KLRG1: variants seen among roughly 807,000 people sequenced by gnomAD.
The protein encoded by KLRG1 is killer cell lectin like receptor G1.
In KLRG1, 16 loss-of-function variants were observed where a neutral mutation model predicts 21.8. The observed-to-expected ratio is 0.73, with a 90% confidence interval of 0.50 to 1.11. The LOEUF (loss-of-function observed/expected upper bound fraction) is 1.11, where lower values mean the gene tolerates loss of function less well. Among genes scored for constraint, KLRG1 ranks in the 50% most tolerant of loss-of-function variants. The pLI is 0.00. For missense variants in KLRG1, 173 were observed against 218.3 expected, an observed-to-expected ratio of 0.79 and a Z score of 1.31; for synonymous variants, 69 against 75.9, an observed-to-expected ratio of 0.91 and a Z score of 0.47.
At chr12:9,060,646 G>GAAAACAA in the KLRG1 span, among the ~76,000 whole-genome samples, 4 of 151,914 alleles carry the variant, frequency 2.6e-5, no homozygotes, top group African/African-American at 9.7e-5. Context: ...ACAAAAAAAC[G>GAAAACAA]AAAACAAAAA....
At chr12:9,101,755 TGTCC>T in the KLRG1 span, 1 of 1,116,506 alleles carries the variant, frequency 9.0e-7, no homozygotes, top group African/African-American at 1.6e-5. Flanking sequence ...GTAAGTTTAC[TGTCC>T]TACCTTAACT....
At chr12:9,106,389 G>T in the KLRG1 span, 1 of 1,490,906 alleles carries the variant, frequency 6.7e-7, no homozygotes, top group Non-Finnish European at 9.3e-7. Flanking sequence ...GAAGAATGAT[G>T]TCTCTAAAAT....
At chr12:9,060,973 T>G in the KLRG1 span, among the ~76,000 whole-genome samples, 1 of 152,242 alleles carries the variant, frequency 6.6e-6, no homozygotes, top group Admixed American at 6.5e-5. Context: ...ACATTTAACT[T>G]GTCTACTGAT....
downstream of KLRG1, among the ~76,000 whole-genome samples, chr12:9,011,774 G>A (rs1468069829): frequency 1.3e-5 from 2 of 152,192 alleles, no homozygotes; most frequent in Non-Finnish European, 1.5e-5. Flanking sequence ...CCATCTCCCA[G>A]CAGCACAGTG....
At chr12:9,005,455 C>T (rs1947444168) in intron 3 of KLRG1, among the ~76,000 whole-genome samples, 1 of 152,064 alleles carries the variant, frequency 6.6e-6, no homozygotes, top group Non-Finnish European at 1.5e-5. Context: ...ATGGATGGAA[C>T]TAGAGGACAC....
the KLRG1 span, among the ~76,000 whole-genome samples, chr12:9,204,530 T>C: frequency 6.6e-6 from 1 of 152,140 alleles, no homozygotes; most frequent in Non-Finnish European, 1.5e-5. Context: ...TGAAAAAAAG[T>C]ATTTGCTGTT....
At chr12:9,180,970 A>G in the KLRG1 span, 2 of 1,609,680 alleles carry the variant, frequency 1.2e-6, no homozygotes. Flanking sequence ...CCCCAAGGCC[A>G]CTGGAAACTC....
chr12:8,992,435 A>G (rs1242173320), intron 2 of KLRG1, 125 bp downstream of exon 2: 1 of 624,548 alleles, frequency 1.6e-6, no homozygotes, highest in Non-Finnish European at 2.7e-6. Flanking sequence ...GTATACAGCT[A>G]TTTCCTGGGT....
At chr12:9,068,131 G>C in the KLRG1 span, 2 of 1,592,988 alleles carry the variant, frequency 1.3e-6, no homozygotes, top group Non-Finnish European at 1.7e-6. Context: ...AAGGTTTGGG[G>C]GGCAAGCTGA....
chr12:9,034,698 C>T, the KLRG1 span, among the ~76,000 whole-genome samples: 17 of 152,210 alleles, frequency 1.1e-4, no homozygotes, highest in African/African-American at 3.6e-4. Context: ...CCGCCCGCCT[C>T]GGCCTCCCAA....
At chr12:9,035,448 G>A in the KLRG1 span, among the ~76,000 whole-genome samples, 1 of 151,930 alleles carries the variant, frequency 6.6e-6, no homozygotes, top group Admixed American at 6.6e-5. Context: ...GGCCTGTCAG[G>A]GGGTAGGGAG....
chr12:9,203,731 T>C, the KLRG1 span: 7 of 1,609,240 alleles, frequency 4.3e-6, no homozygotes, highest in African/African-American at 1.3e-5. Flanking sequence ...ATAAAATGTA[T>C]CAAGCAGGGA....
At chr12:9,090,352 T>G in the KLRG1 span, 1 of 1,613,884 alleles carries the variant, frequency 6.2e-7, no homozygotes, top group Admixed American at 1.7e-5. Flanking sequence ...AGTTTTTTGC[T>G]CACCTAATGA....
the KLRG1 span, among the ~76,000 whole-genome samples, chr12:9,138,304 T>C: frequency 6.6e-6 from 1 of 152,030 alleles, no homozygotes; most frequent in East Asian, 1.9e-4. Flanking sequence ...ATTCTGTGAA[T>C]GTGGTACAAA....
the KLRG1 span, among the ~76,000 whole-genome samples, chr12:9,209,234 T>G: frequency 2.6e-5 from 4 of 152,160 alleles, no homozygotes; most frequent in African/African-American, 9.7e-5. Flanking sequence ...GTTTACATAC[T>G]GTATTGCTTG....
At chr12:9,157,444 A>T in the KLRG1 span, 1 of 1,275,614 alleles carries the variant, frequency 7.8e-7, no homozygotes, top group Non-Finnish European at 1.1e-6. Flanking sequence ...AGATGTTATT[A>T]ATAGATTTCA....
At chr12:8,954,761 C>T (rs1423063433) in intron 1 of KLRG1, among the ~76,000 whole-genome samples, 1 of 151,952 alleles carries the variant, frequency 6.6e-6, no homozygotes, top group Non-Finnish European at 1.5e-5. Context: ...TGTATGTATA[C>T]ATTTATTCAC....
At chr12:9,090,139 G>A in the KLRG1 span, 9 of 1,457,210 alleles carry the variant, frequency 6.2e-6, no homozygotes, top group Non-Finnish European at 8.4e-6. Context: ...AAACACAGAA[G>A]CAGGAACGGA....
chr12:9,083,043 A>G, the KLRG1 span, among the ~76,000 whole-genome samples: 4 of 152,304 alleles, frequency 2.6e-5, no homozygotes, highest in African/African-American at 4.8e-5. Flanking sequence ...CAACAGTGTA[A>G]AAGTGTTCCT....
Sources: gnomAD v4.1 joint callset for allele counts (sites outside exome capture counted in the v4.1 genomes callset) on GRCh38, gnomAD v4.1.1 for gene constraint, MANE v1.5 for transcripts, NCBI Gene and HGNC (gene_info 2026-07-23, HGNC 2026-07-21) for gene names.